The following LRRC4C variants were observed in gnomAD, a reference collection of about 807,000 sequenced individuals.
LRRC4C encodes leucine rich repeat containing 4C, also known as leucine-rich repeat-containing protein 4C.
LRRC4C carries 5 observed loss-of-function variants against 33.6 expected under a neutral mutation model. That is an observed-to-expected ratio of 0.15 (90% CI 0.08 to 0.31). The LOEUF (loss-of-function observed/expected upper bound fraction) is 0.31, where lower values mean the gene tolerates loss of function less well. Ranked by LOEUF, LRRC4C falls within the 10% of genes least tolerant of loss-of-function variation. The pLI, the probability that LRRC4C is intolerant of heterozygous loss-of-function variation, is 1.00. For synonymous variants in LRRC4C, 329 were observed against 302.0 expected, an observed-to-expected ratio of 1.09 and a Z score of -0.93; for missense variants, 560 against 796.7, an observed-to-expected ratio of 0.70 and a Z score of 3.58.
chr11:41,290,244 T>C (rs1178885233), intron 1 of LRRC4C, among the ~76,000 whole-genome samples: 1 of 152,204 alleles, frequency 6.6e-6, no homozygotes, highest in Non-Finnish European at 1.5e-5. Context: ...GCTTTTTTAA[T>C]GCAATGACAG....
At chr11:40,964,957 C>A (rs1037740560) in intron 1 of LRRC4C, among the ~76,000 whole-genome samples, 5 of 152,128 alleles carry the variant, frequency 3.3e-5, no homozygotes, top group Admixed American at 6.5e-5. Flanking sequence ...CTGACTTCCA[C>A]AATGATTGAA....
intron 1 of LRRC4C, among the ~76,000 whole-genome samples, chr11:41,011,276 A>T (rs1162168430): frequency 6.6e-6 from 1 of 152,058 alleles, no homozygotes; most frequent in Admixed American, 6.6e-5. Flanking sequence ...ACCATTATTC[A>T]CTATAATGTT....
intron 1 of LRRC4C, among the ~76,000 whole-genome samples, chr11:41,215,880 G>C (rs1158859860): frequency 6.6e-6 from 1 of 152,174 alleles, no homozygotes; most frequent in Non-Finnish European, 1.5e-5. Flanking sequence ...CTTAGGAGTA[G>C]AATGCCTGGC....
chr11:40,351,498 T>C (rs1179074993), intron 3 of LRRC4C: 1 of 151,952 alleles, frequency 6.6e-6, no homozygotes, highest in Non-Finnish European at 1.5e-5. Context: ...GAAAGTGGGA[T>C]GCTGAAACCT....
intron 1 of LRRC4C, among the ~76,000 whole-genome samples, chr11:41,011,041 G>A (rs1450947794): frequency 6.6e-6 from 1 of 151,882 alleles, no homozygotes; most frequent in South Asian, 2.1e-4. Flanking sequence ...GACCTCTTTG[G>A]GTATATACAC....
Position 40,433,910 on chromosome 11 carries a change from A to T in LRRC4C, c.-269-114189T>A, listed in dbSNP as rs369094832. Among the ~76,000 whole-genome samples the T allele has an allele frequency of 3.6e-4, 55 of 152,334 alleles. 1 individual carries two copies. The South Asian group carries it at 0.011, about 31-fold the overall frequency. ...AAATTTCCAGTTGTTCCCAAAGAGT[A>T]TGAGGACTGAGAAATTTTCAAAAAA... On this transcript the variant is annotated intron_variant, in intron 3 of 6. Coordinates refer to ENST00000528697, the MANE Select transcript of LRRC4C (RefSeq NM_001258419.2).
intron 1 of LRRC4C, among the ~76,000 whole-genome samples, chr11:41,145,499 A>G (rs566716642): frequency 8.6e-6 from 1 of 116,734 alleles, no homozygotes; most frequent in African/African-American, 3.0e-5. Context: ...GCCCATGCAC[A>G]TTTATTTATA....
intron 3 of LRRC4C, among the ~76,000 whole-genome samples, chr11:40,390,968 G>C (rs12280413): frequency 6.6e-6 from 1 of 151,818 alleles, no homozygotes; most frequent in Non-Finnish European, 1.5e-5. Flanking sequence ...TGCAACCTCC[G>C]CCTCCCAGGT....
intron 1 of LRRC4C, among the ~76,000 whole-genome samples, chr11:41,051,546 A>AAAAAAAAAAAAAAG: frequency 2.1e-5 from 3 of 140,602 alleles, no homozygotes; most frequent in East Asian, 2.1e-4. Flanking sequence ...AAAAAAAAAA[A>AAAAAAAAAAAAAAG]AAAAAAAGGA....
chr11:40,969,944 T>C (rs1396081907), intron 1 of LRRC4C, among the ~76,000 whole-genome samples: 6 of 152,168 alleles, frequency 3.9e-5, no homozygotes, highest in Non-Finnish European at 7.4e-5. Flanking sequence ...CTTTGATCAA[T>C]AGAACAAGGC....
At chr11:40,832,912 G>A (rs1272656983) in intron 2 of LRRC4C, among the ~76,000 whole-genome samples, 1 of 152,102 alleles carries the variant, frequency 6.6e-6, no homozygotes, top group Non-Finnish European at 1.5e-5. Context: ...TCAAGGCAGT[G>A]TGTTTTGGTT....
intron 3 of LRRC4C, among the ~76,000 whole-genome samples, chr11:40,612,479 A>G (rs528841708): frequency 3.9e-5 from 6 of 152,048 alleles, no homozygotes; most frequent in African/African-American, 9.6e-5. Context: ...AACAATGTGC[A>G]TATAGTTAGC....
chr11:40,457,378 C>G lies in LRRC4C; in HGVS notation c.-269-137657G>C, dbSNP rs534826606. Reference sequence around the variant, plus strand: ...AATTGTATGATGAAGGTGTATGTATCTATTAAAAAGAAAATCTCTCACACT... The same window carrying G: ...AATTGTATGATGAAGGTGTATGTATGTATTAAAAAGAAAATCTCTCACACT... On this transcript the variant is annotated intron_variant, in intron 3 of 6. Coordinates refer to ENST00000528697, the MANE Select transcript of LRRC4C (RefSeq NM_001258419.2). Among the ~76,000 whole-genome samples, 43 of 152,156 alleles carry G rather than the reference C, an allele frequency of 2.8e-4. No individual in the cohort carries two copies. The South Asian group carries it at 4.8e-3, about 17-fold the overall frequency.
At chr11:40,914,962 A>G (rs1425885042) in intron 2 of LRRC4C, among the ~76,000 whole-genome samples, 1 of 152,198 alleles carries the variant, frequency 6.6e-6, no homozygotes, top group Non-Finnish European at 1.5e-5. Context: ...CAAAGAGAAT[A>G]AAATACCTAG....
At chr11:40,479,168 G>C (rs1238638602) in intron 3 of LRRC4C, among the ~76,000 whole-genome samples, 1 of 152,040 alleles carries the variant, frequency 6.6e-6, no homozygotes, top group East Asian at 1.9e-4. Context: ...AAATGTAAGA[G>C]TCTGTTGTTT....
intron 3 of LRRC4C, among the ~76,000 whole-genome samples, chr11:40,591,897 C>G (rs1043671534): frequency 6.6e-6 from 1 of 152,348 alleles, no homozygotes; most frequent in Admixed American, 6.5e-5. Context: ...AATAAGGCGA[C>G]TGTATAACTG....
At chr11:41,370,439 A>G (rs925350640) in intron 1 of LRRC4C, among the ~76,000 whole-genome samples, 2 of 152,122 alleles carry the variant, frequency 1.3e-5, no homozygotes, top group African/African-American at 4.8e-5. Flanking sequence ...AGTGGGAGAT[A>G]ATTTGAATCA....
chr11:40,133,284 CA>C lies in LRRC4C; in HGVS notation c.-43+7516del, dbSNP rs372093884. Among the ~76,000 whole-genome samples, 79 of 152,234 alleles carry C rather than the reference CA, an allele frequency of 5.2e-4. 2 individuals are homozygous for C. In the South Asian group the frequency reaches 0.016, roughly 31 times the overall value. On this transcript the variant is annotated intron_variant, in intron 6 of 6. Coordinates refer to ENST00000528697, the MANE Select transcript of LRRC4C (RefSeq NM_001258419.2). ...GTATGGATTTTTATAATGAGCAATG[CA>C]ATTTAAATTACCATGCAAGGCAATC...
intron 5 of LRRC4C, among the ~76,000 whole-genome samples, chr11:40,148,645 G>A (rs1857942048): frequency 6.6e-6 from 1 of 152,092 alleles, no homozygotes; most frequent in African/African-American, 2.4e-5. Flanking sequence ...TGTTTATTCT[G>A]TTGGTAGTTT....
Sources: gnomAD v4.1 joint callset for allele counts (sites outside exome capture counted in the v4.1 genomes callset) on GRCh38, gnomAD v4.1.1 for gene constraint, MANE v1.5 for transcripts, NCBI Gene and HGNC (gene_info 2026-07-23, HGNC 2026-07-21) for gene names.